The following GPC6 variants were observed in gnomAD, a reference collection of about 807,000 sequenced individuals.
GPC6 encodes glypican 6, also known as glypican-6.
In GPC6, 14 loss-of-function variants were observed where a neutral mutation model predicts 55.2. The observed-to-expected ratio is 0.25, with a 90% confidence interval of 0.17 to 0.40. The LOEUF is 0.40. Ranked by LOEUF, GPC6 falls within the 10% of genes least tolerant of loss-of-function variation. The pLI, the probability that GPC6 is intolerant of heterozygous loss-of-function variation, is 1.00. For missense variants in GPC6, 641 were observed against 708.5 expected (o/e 0.90, Z 1.08); for synonymous variants, 278 against 259.6 (o/e 1.07, Z -0.68).
intron 1 of GPC6, among the ~76,000 whole-genome samples, chr13:93,502,882 T>G (rs1321066473): frequency 6.6e-6 from 1 of 152,120 alleles, no homozygotes; most frequent in Non-Finnish European, 1.5e-5. Flanking sequence ...TATATAATAT[T>G]TCTACCAGAT....
intron 3 of GPC6, among the ~76,000 whole-genome samples, chr13:93,961,187 TA>T (rs1341321732): frequency 1.3e-5 from 2 of 152,224 alleles, no homozygotes; most frequent in African/African-American, 4.8e-5. Context: ...AGATGCCATT[TA>T]AAACAGATTA....
rs1429541083 is a variant in GPC6, at chr13:93,529,759, C to T, written c.161-15504C>T. Among the ~76,000 whole-genome samples, 4 of 151,996 alleles carry T rather than the reference C, an allele frequency of 2.6e-5. No homozygotes were observed. In the South Asian group the frequency reaches 6.2e-4, roughly 24 times the overall value. On this transcript the variant is annotated intron_variant, in intron 1 of 8. Coordinates refer to ENST00000377047, the MANE Select transcript of GPC6 (RefSeq NM_005708.5). ...CTCAAACTCCTGACCTCGTGATCCA[C>T]CCACCTCAGCCTCCCAAAGTGCTGG...
At chr13:93,223,648 T>C (rs1238575153), upstream of GPC6, among the ~76,000 whole-genome samples, 1 of 152,118 alleles carries the variant, frequency 6.6e-6, no homozygotes, top group Non-Finnish European at 1.5e-5. Context: ...TTCGCCATGT[T>C]GGCTAGCCTG....
At chr13:93,421,646 C>T (rs1594158133) in intron 1 of GPC6, among the ~76,000 whole-genome samples, 1 of 151,982 alleles carries the variant, frequency 6.6e-6, no homozygotes, top group African/African-American at 2.4e-5. Context: ...TGCAGATTCA[C>T]GTGAAATTAC....
chr13:93,795,229 A>G (rs114581346), intron 2 of GPC6, among the ~76,000 whole-genome samples: 1,542 of 152,304 alleles, frequency 0.01, 21 homozygotes, highest in African/African-American at 0.036. Context: ...CTGTGCTACA[A>G]GAGTTTGTGA....
chr13:93,479,569 A>T (rs888543059), intron 1 of GPC6, among the ~76,000 whole-genome samples: 1 of 151,524 alleles, frequency 6.6e-6, no homozygotes, highest in African/African-American at 2.4e-5. Flanking sequence ...AGATCACCTT[A>T]GGTCAGGAGT....
At chr13:94,087,320 A>G (rs943944871) in intron 4 of GPC6, among the ~76,000 whole-genome samples, 1 of 152,206 alleles carries the variant, frequency 6.6e-6, no homozygotes, top group African/African-American at 2.4e-5. Flanking sequence ...GAATCAGGAC[A>G]TGTAAAACAA....
At chr13:93,968,163 C>T (rs1276006788) in intron 3 of GPC6, among the ~76,000 whole-genome samples, 2 of 152,054 alleles carry the variant, frequency 1.3e-5, no homozygotes, top group African/African-American at 4.8e-5. Flanking sequence ...GTAAAATGCT[C>T]ATTGTTAGAA....
At position 93,231,359 on chromosome 13, in the gene GPC6, A is replaced by T. The variant is rs1461052431; in HGVS notation, c.160+3743A>T. ...TATATATATATACATATATATATAT[A>T]CGTATATATATATATATATACATAT... On this transcript the variant is annotated intron_variant, in intron 1 of 8. Transcript: ENST00000377047. Among the ~76,000 whole-genome samples, 42 of 23,260 alleles carry T rather than the reference A, an allele frequency of 1.8e-3. 1 individual carries two copies. The highest frequency in any genetic ancestry group is 8.1e-3 in the African/African-American group (37 of 4,542). 15.3% of individuals were successfully genotyped at this position (23,260 alleles called of 152,430 possible). A position where few individuals can be genotyped will look rare whatever the true frequency, so the allele number is the denominator to read the frequency against.
chr13:94,271,039 G>A lies in GPC6; in HGVS notation c.878-15310G>A, dbSNP rs1041236703. On this transcript the variant is annotated intron_variant, in intron 4 of 8. Coordinates refer to ENST00000377047, the MANE Select transcript of GPC6 (RefSeq NM_005708.5). ...GAGTCTCGCTCTGTCGCCCAGGCTGGAGTGCAGTGGCGCAATCTCGGCTCA... is the reference window on the plus strand; with the variant it reads ...GAGTCTCGCTCTGTCGCCCAGGCTGAAGTGCAGTGGCGCAATCTCGGCTCA... Among the ~76,000 whole-genome samples, 73 of 138,508 alleles carry A rather than the reference G, an allele frequency of 5.3e-4. 1 individual carries two copies. The highest frequency in any genetic ancestry group is 9.3e-4 in the Non-Finnish European group (61 of 65,914). 90.9% of individuals were successfully genotyped at this position (138,508 alleles called of 152,430 possible).
intron 2 of GPC6, among the ~76,000 whole-genome samples, chr13:93,665,342 C>A (rs1881090016): frequency 6.6e-6 from 1 of 152,112 alleles, no homozygotes; most frequent in South Asian, 2.1e-4. Flanking sequence ...CAATTTGCAG[C>A]ACTCTATGTA....
At chr13:93,604,604 C>T (rs181903932) in intron 2 of GPC6, among the ~76,000 whole-genome samples, 8 of 151,858 alleles carry the variant, frequency 5.3e-5, no homozygotes, top group African/African-American at 9.7e-5. Flanking sequence ...TCGCTGCTAT[C>T]GTCACTAATA....
chr13:93,783,563 G>GATCTATCTGTCTATCTATCTATCT (rs1451708509), intron 2 of GPC6, among the ~76,000 whole-genome samples: 2 of 138,650 alleles, frequency 1.4e-5, no homozygotes, highest in African/African-American at 5.6e-5. Flanking sequence ...GTGGTTTTGA[G>GATCTATCTGTCTATCTATCTATCT]ATCTATCTAT....
chr13:94,103,113 A>G (rs1007904814), intron 4 of GPC6, among the ~76,000 whole-genome samples: 3 of 151,852 alleles, frequency 2.0e-5, no homozygotes, highest in African/African-American at 7.3e-5. Context: ...TTCAATTCCC[A>G]CCTATGAGTG....
chr13:93,557,472 A>G (rs1875540314), intron 2 of GPC6, among the ~76,000 whole-genome samples: 1 of 152,200 alleles, frequency 6.6e-6, no homozygotes, highest in African/African-American at 2.4e-5. Flanking sequence ...GTAGAGATTT[A>G]AGGAAGATAA....
At chr13:93,358,631 A>G (rs189881653) in intron 1 of GPC6, among the ~76,000 whole-genome samples, 1 of 152,352 alleles carries the variant, frequency 6.6e-6, no homozygotes, top group Admixed American at 6.5e-5. Context: ...ATGTAGGAAT[A>G]TGCAGTCATC....
At chr13:93,702,513 C>T (rs192005556) in intron 2 of GPC6, among the ~76,000 whole-genome samples, 2 of 152,120 alleles carry the variant, frequency 1.3e-5, no homozygotes. Context: ...ATGAGGGAGT[C>T]ATCCTGTCTA....
At chr13:93,480,869 C>T (rs979465995) in intron 1 of GPC6, among the ~76,000 whole-genome samples, 2 of 152,100 alleles carry the variant, frequency 1.3e-5, no homozygotes. Context: ...TGAGTTGTTT[C>T]TGCTCTTTGC....
chr13:93,831,476 A>G lies in GPC6; in HGVS notation c.711+931A>G, dbSNP rs1157055831. Among the ~76,000 whole-genome samples, 8 of 152,154 alleles carry G rather than the reference A, an allele frequency of 5.3e-5. 1 individual carries two copies. Among genetic ancestry groups the G allele is most frequent in the African/African-American group, 1.7e-4 (7 of 41,450 alleles). The stretch of plus-strand genomic sequence containing the variant: ...GTGTATTTGTATAAGGATTATTCCC[A>G]AACACTACTTTTCTATTGGAGGGCT... On this transcript the variant is annotated intron_variant, in intron 3 of 8. Transcript: ENST00000377047.
Sources: allele counts gnomAD v4.1 joint callset (sites outside exome capture counted in the v4.1 genomes callset), GRCh38; gene constraint gnomAD v4.1.1; transcripts MANE v1.5; gene names NCBI Gene and HGNC (gene_info 2026-07-23, HGNC 2026-07-21).